Variants in PLD1 observed in about 807,000 individuals in gnomAD.
PLD1 encodes phospholipase D1, also known as choline phosphatase 1.
PLD1 carries 112 observed loss-of-function variants against 137.1 expected under a neutral mutation model. The observed-to-expected ratio is 0.82, with a 90% CI of 0.70 to 0.96. The LOEUF (loss-of-function observed/expected upper bound fraction) is 0.96. PLD1 is among the 40% of genes least tolerant of loss of function. The probability of loss-of-function intolerance (pLI) is 0.00; values close to 1 mark genes in which losing one functional copy is unlikely to be tolerated. For synonymous variants in PLD1, 431 were observed against 454.7 expected, an observed-to-expected ratio of 0.95 and a Z score of 0.66; for missense variants, 1,321 against 1,342.0, an observed-to-expected ratio of 0.98 and a Z score of 0.24.
chr3:171,676,900 C>T, intron 17 of PLD1, 67 bp from the exon 18 acceptor site: 1 of 1,073,352 alleles, frequency 9.3e-7, no homozygotes, highest in Non-Finnish European at 1.4e-6. Context: ...TCTCTGACTC[C>T]AACTATGAAA....
chr3:171,738,229 G>C (rs1270556934), intron 1 of PLD1, 147 bp from the exon 2 acceptor site: 2 of 345,442 alleles, frequency 5.8e-6, no homozygotes, highest in African/African-American at 4.3e-5. Context: ...CAACCTTTTA[G>C]TTTACGTTCC....
chr3:171,611,584 C>T (rs575393244), intron 25 of PLD1: 1 of 518,836 alleles, frequency 1.9e-6, no homozygotes, highest in East Asian at 5.4e-5. Flanking sequence ...TTAAAATTTG[C>T]ATCTTCTTGC....
intron 1 of PLD1, among the ~76,000 whole-genome samples, chr3:171,738,628 A>T (rs1429300378): frequency 6.6e-6 from 1 of 152,218 alleles, no homozygotes; most frequent in Non-Finnish European, 1.5e-5. Flanking sequence ...TCTTCAAGAA[A>T]GGAGATTTTG....
chr3:171,799,498 A>G (rs991062160), intron 1 of PLD1, among the ~76,000 whole-genome samples: 1 of 152,262 alleles, frequency 6.6e-6, no homozygotes, highest in Middle Eastern at 3.4e-3. Flanking sequence ...AAAATTAATG[A>G]CATACAAAAG....
At position 171,644,921 on chromosome 3, in the gene PLD1, G is replaced by T. The variant is rs770237609; in HGVS notation, c.2532C>A (p.His844Gln). The change falls in exon 22 of 27, where the codon CAC (histidine) becomes CAA (glutamine). Residue 844 changes from histidine to glutamine, a missense_variant. Transcript: ENST00000351298. ...TAGAGTTTTGGCACCTGTAGTTGAA[G>T]TGCATGATTGCCTGTAGAGCATTTC... is the stretch of plus-strand genomic sequence containing the variant. The part of the protein sequence containing the change: ...GGGNALQAIM[H>Q]FNYRTMCRGE... The T allele has an allele frequency of 2.5e-6, 4 of 1,607,528 alleles. No individual in the cohort carries two copies. The East Asian group carries it at 6.7e-5, about 27-fold the overall frequency.
chr3:171,673,385 G>A (rs1340196587), intron 19 of PLD1, among the ~76,000 whole-genome samples: 2 of 151,656 alleles, frequency 1.3e-5, no homozygotes, highest in African/African-American at 2.4e-5. Context: ...GGGTTTAAGC[G>A]ATTCTCCTGC....
intron 19 of PLD1, among the ~76,000 whole-genome samples, chr3:171,670,298 T>C (rs1239038844): frequency 2.0e-5 from 3 of 152,180 alleles, no homozygotes; most frequent in Non-Finnish European, 2.9e-5. Context: ...TCCAAACACA[T>C]AGAAATAACA....
intron 19 of PLD1, among the ~76,000 whole-genome samples, chr3:171,663,867 C>T (rs1578217189): frequency 6.6e-6 from 1 of 152,216 alleles, no homozygotes; most frequent in East Asian, 1.9e-4. Context: ...TAGGAATATA[C>T]AAAGCGATCC....
In PLD1 at chr3:171,662,592, T is replaced by G. The variant is rs577415903; in HGVS notation, c.2230-422A>C. ...CAGAATCCCTGTTGTTCTGGTGCAT[T>G]TATTCAGAGCACCCATCTTTACTCT... On this transcript the variant is annotated intron_variant, in intron 19 of 26. Coordinates refer to ENST00000351298, the MANE Select transcript of PLD1 (RefSeq NM_002662.5). Among the ~76,000 whole-genome samples, 55 of 152,352 alleles carry G rather than the reference T, an allele frequency of 3.6e-4. 2 individuals are homozygous for G. Among genetic ancestry groups the G allele is most frequent in the Middle Eastern group, 6.8e-3 (2 of 294 alleles).
At chr3:171,613,456 T>G (rs984040978) in intron 24 of PLD1, among the ~76,000 whole-genome samples, 3 of 152,198 alleles carry the variant, frequency 2.0e-5, no homozygotes, top group African/African-American at 7.2e-5. Flanking sequence ...TCAGGCTCTC[T>G]GTAGGCTTTA....
At chr3:171,806,049 A>G (rs1298996130) in intron 1 of PLD1, among the ~76,000 whole-genome samples, 1 of 152,206 alleles carries the variant, frequency 6.6e-6, no homozygotes, top group African/African-American at 2.4e-5. Context: ...AAATAAATAA[A>G]TTAAACGGCC....
At chr3:171,792,382 G>C in intron 1 of PLD1, 1 of 357,642 alleles carries the variant, frequency 2.8e-6, no homozygotes, top group Non-Finnish European at 5.5e-6. Flanking sequence ...TATACTAAGA[G>C]TAGTGGGGGC....
In PLD1 at chr3:171,645,884, A is replaced by T. The variant is rs1029040650; in HGVS notation, c.2430-861T>A. 1.2e-4 allele frequency among the ~76,000 whole-genome samples: 10 copies of T among 80,928 alleles called. No homozygotes were observed. In the East Asian group the frequency reaches 2.6e-3, roughly 21 times the overall value. The allele number at this position is 80,928 out of a possible 152,430, so 53.1% of individuals were successfully genotyped here. A position where few individuals can be genotyped will look rare whatever the true frequency, so the allele number is the denominator to read the frequency against. On this transcript the variant is annotated intron_variant, in intron 21 of 26. Transcript: ENST00000351298. The stretch of plus-strand genomic sequence containing the variant: ...GGGTGACAGAGCGAGACTCCATCTC[A>T]AAAAAAAAAAAAAAAAAAAAAAGAA...
rs550139592 is a variant in PLD1, at chr3:171,665,512, C to T, written c.2230-3342G>A. On this transcript the variant is annotated intron_variant, in intron 19 of 26. Transcript: ENST00000351298. ...GTCAGCAGTTCAAGACCAGCCTGGC[C>T]AACATGGCGAAACCCCGTCTCTATT... Among the ~76,000 whole-genome samples, 14 of 152,178 alleles carry T rather than the reference C, an allele frequency of 9.2e-5. No homozygotes were observed. In the East Asian group the frequency reaches 2.7e-3, roughly 29 times the overall value.
intron 22 of PLD1, 67 bp from the exon 23 acceptor site, chr3:171,642,956 T>A: frequency 1.2e-6 from 1 of 859,574 alleles, no homozygotes. Flanking sequence ...GCAGTATCTG[T>A]AGGTTTAATC....
chr3:171,617,702 C>T (rs1733239516), intron 24 of PLD1, among the ~76,000 whole-genome samples: 1 of 152,050 alleles, frequency 6.6e-6, no homozygotes, highest in South Asian at 2.1e-4. Flanking sequence ...AGCAGGGTTA[C>T]CCAGGGCCAC....
At chr3:171,798,818 G>A (rs1723528717) in intron 1 of PLD1, among the ~76,000 whole-genome samples, 1 of 152,162 alleles carries the variant, frequency 6.6e-6, no homozygotes, top group Non-Finnish European at 1.5e-5. Context: ...GCCACACACA[G>A]GCCCAAAAGA....
At chr3:171,797,711 T>A (rs1157227481) in intron 1 of PLD1, among the ~76,000 whole-genome samples, 2 of 152,234 alleles carry the variant, frequency 1.3e-5, no homozygotes, top group Non-Finnish European at 2.9e-5. Flanking sequence ...GACCAAAATA[T>A]ATGCAAATAT....
chr3:171,731,344 A>C (rs1184377067), intron 6 of PLD1, among the ~76,000 whole-genome samples: 1 of 152,260 alleles, frequency 6.6e-6, no homozygotes, highest in African/African-American at 2.4e-5. Flanking sequence ...AATATGAGGC[A>C]GAGGTCTACA....
Sources: allele counts gnomAD v4.1 joint callset (sites outside exome capture counted in the v4.1 genomes callset), GRCh38; gene constraint gnomAD v4.1.1; transcripts MANE v1.5; gene names NCBI Gene and HGNC (gene_info 2026-07-23, HGNC 2026-07-21).